NTRK3: variants seen among roughly 807,000 people sequenced by gnomAD.
The protein encoded by NTRK3 is NT-3 growth factor receptor.
Under a neutral mutation model 91.7 loss-of-function variants are expected in NTRK3, and 24 were observed. The observed-to-expected ratio is 0.26, with a 90% CI of 0.19 to 0.37. The LOEUF is 0.37. NTRK3 is among the 10% of genes least tolerant of loss of function. The pLI, the probability that NTRK3 is intolerant of heterozygous loss-of-function variation, is 1.00. For missense variants in NTRK3, 880 were observed against 1,068.9 expected, an observed-to-expected ratio of 0.82 and a Z score of 2.46; for synonymous variants, 483 against 404.0, an observed-to-expected ratio of 1.20 and a Z score of -2.34.
chr15:87,897,689 T>C (rs139223478), intron 17 of NTRK3, among the ~76,000 whole-genome samples: 28 of 152,308 alleles, frequency 1.8e-4, no homozygotes, highest in Non-Finnish European at 3.5e-4. Flanking sequence ...TGACCCTGCA[T>C]AGCTCAGGTA....
chr15:88,057,990 G>A (rs371682853), intron 13 of NTRK3, among the ~76,000 whole-genome samples: 87 of 152,346 alleles, frequency 5.7e-4, no homozygotes, highest in African/African-American at 1.8e-3. Flanking sequence ...GGCCAGGGAC[G>A]GAGAGCCGAG....
At chr15:87,988,265 C>T (rs2075002869) in intron 14 of NTRK3, among the ~76,000 whole-genome samples, 1 of 152,142 alleles carries the variant, frequency 6.6e-6, no homozygotes, top group Admixed American at 6.6e-5. Flanking sequence ...ACCTGACCAT[C>T]AAGGTAATCA....
chr15:88,114,295 G>T (rs555070702), intron 13 of NTRK3, among the ~76,000 whole-genome samples: 1 of 152,088 alleles, frequency 6.6e-6, no homozygotes, highest in South Asian at 2.1e-4. Context: ...CAAAAAAGAT[G>T]AAATTAAAAA....
At chr15:88,031,141 A>G (rs951050848) in intron 14 of NTRK3, among the ~76,000 whole-genome samples, 1 of 152,256 alleles carries the variant, frequency 6.6e-6, no homozygotes, top group African/African-American at 2.4e-5. Context: ...AAACAGAAAC[A>G]TATGACAAGG....
intron 17 of NTRK3, among the ~76,000 whole-genome samples, chr15:87,909,323 G>A (rs1467732156): frequency 6.6e-6 from 1 of 152,126 alleles, no homozygotes; most frequent in Admixed American, 6.5e-5. Flanking sequence ...CTTAGCAATG[G>A]CATTTCTCAA....
At chr15:87,978,658 C>T (rs2073930992) in intron 14 of NTRK3, 5 of 231,596 alleles carry the variant, frequency 2.2e-5, no homozygotes, top group South Asian at 1.8e-4. Flanking sequence ...CATTGTGAGC[C>T]GTTCCAGAGA....
chr15:88,256,355 C>T, exon 2 of NTRK3: 1 of 637,848 alleles, frequency 1.6e-6, no homozygotes, highest in South Asian at 1.8e-5. Flanking sequence ...GCCGCCGCCG[C>T]CGCCGCCGCC....
intron 13 of NTRK3, among the ~76,000 whole-genome samples, chr15:88,105,355 T>C (rs1372557093): frequency 6.6e-6 from 1 of 152,194 alleles, no homozygotes; most frequent in Non-Finnish European, 1.5e-5. Context: ...ACCTAGCCAC[T>C]GCTACCTTAA....
chr15:88,180,161 C>T (rs1156347338), intron 5 of NTRK3, among the ~76,000 whole-genome samples: 1 of 152,144 alleles, frequency 6.6e-6, no homozygotes, highest in Non-Finnish European at 1.5e-5. Context: ...TGACCACATC[C>T]CATCCCTAGA....
chr15:87,899,946 T>A (rs769040534), intron 17 of NTRK3, among the ~76,000 whole-genome samples: 1 of 152,180 alleles, frequency 6.6e-6, no homozygotes, highest in Non-Finnish European at 1.5e-5. Flanking sequence ...GGGAGTTGAA[T>A]GTACTCTTCA....
intron 11 of NTRK3, 47 bp from the exon 12 acceptor site, chr15:88,127,273 G>A (rs750659265): frequency 3.1e-5 from 48 of 1,542,988 alleles, no homozygotes; most frequent in Non-Finnish European, 4.1e-5. Flanking sequence ...CTTCCCGGCT[G>A]GGGAGGCTCA....
intron 17 of NTRK3, among the ~76,000 whole-genome samples, chr15:87,919,729 G>T (rs2067718074): frequency 6.6e-6 from 1 of 152,192 alleles, no homozygotes; most frequent in Non-Finnish European, 1.5e-5. Flanking sequence ...CAAAGAAGAA[G>T]AAGAGGGTGG....
At chr15:87,900,992 G>A (rs1205354359) in intron 17 of NTRK3, among the ~76,000 whole-genome samples, 5 of 152,134 alleles carry the variant, frequency 3.3e-5, no homozygotes, top group Non-Finnish European at 5.9e-5. Context: ...GGTCCACTTC[G>A]TTCCACACAG....
chr15:88,138,940 G>GACTC (rs2042130351), intron 6 of NTRK3, among the ~76,000 whole-genome samples: 1 of 152,216 alleles, frequency 6.6e-6, no homozygotes, highest in African/African-American at 2.4e-5. Flanking sequence ...GAGACTGACT[G>GACTC]ACTGTCCCTG....
chr15:88,105,231 C>T (rs1186718771), intron 13 of NTRK3, among the ~76,000 whole-genome samples: 1 of 152,220 alleles, frequency 6.6e-6, no homozygotes, highest in Non-Finnish European at 1.5e-5. Context: ...TTGCCAATTC[C>T]AGGCACCATC....
intron 3 of NTRK3, among the ~76,000 whole-genome samples, chr15:88,213,038 G>A (rs2049399233): frequency 6.6e-6 from 1 of 152,272 alleles, no homozygotes; most frequent in Non-Finnish European, 1.5e-5. Flanking sequence ...GGCCCCGTAT[G>A]TGTGAGGTTT....
intron 17 of NTRK3, among the ~76,000 whole-genome samples, chr15:87,900,726 T>C (rs2066400683): frequency 6.6e-6 from 1 of 151,578 alleles, no homozygotes; most frequent in Admixed American, 6.6e-5. Context: ...TGTGTGTGTG[T>C]GTGTGCTGTA....
chr15:87,985,591 G>C (rs2074693013), intron 14 of NTRK3, among the ~76,000 whole-genome samples: 1 of 152,168 alleles, frequency 6.6e-6, no homozygotes, highest in South Asian at 2.1e-4. Context: ...TGAGTGACGA[G>C]ATTGTCCTGG....
At chr15:87,970,416 C>T (rs770379528) in intron 14 of NTRK3, among the ~76,000 whole-genome samples, 4 of 152,190 alleles carry the variant, frequency 2.6e-5, no homozygotes, top group Admixed American at 6.5e-5. Flanking sequence ...AGCTGGGTAG[C>T]GTGCTGGGTG....
Sources: allele counts gnomAD v4.1 joint callset (sites outside exome capture counted in the v4.1 genomes callset), GRCh38; gene constraint gnomAD v4.1.1; transcripts MANE v1.5; gene names NCBI Gene and HGNC (gene_info 2026-07-23, HGNC 2026-07-21).